Variants in CATSPERD observed in about 807,000 individuals in gnomAD.
The protein encoded by CATSPERD is cation channel sperm-associated auxiliary subunit delta.
A neutral mutation model predicts 98.1 loss-of-function variants in CATSPERD; 86 were observed. The observed-to-expected ratio is 0.88, with a 90% confidence interval of 0.74 to 1.05. The LOEUF (loss-of-function observed/expected upper bound fraction) is 1.05. Among genes scored for constraint, CATSPERD ranks in the 50% least tolerant of loss-of-function variants. The probability of loss-of-function intolerance (pLI) is 0.00; values close to 1 mark genes in which losing one functional copy is unlikely to be tolerated. For missense variants in CATSPERD, 995 were observed against 1,005.7 expected (o/e 0.99, Z 0.14); for synonymous variants, 394 against 390.2 (o/e 1.01, Z -0.12).
At chr19:5,735,823 C>T (rs895364325) in intron 5 of CATSPERD, among the ~76,000 whole-genome samples, 3 of 130,014 alleles carry the variant, frequency 2.3e-5, no homozygotes, top group African/African-American at 8.9e-5. Flanking sequence ...GTCACCCAGG[C>T]TGGATGGCGT....
rs778530961 is a variant in CATSPERD, at chr19:5,768,262, C to T, written c.1634+20C>T. On this transcript the variant is annotated intron_variant, in intron 18 of 21. Coordinates refer to ENST00000381624, the MANE Select transcript of CATSPERD (RefSeq NM_152784.4). ...CGAGAAGTAAGCCAGCGTCCCCCCG[C>T]AACACCTGACACCCAAGGCGACCAT... The T allele has an allele frequency of 9.3e-6, 15 of 1,607,010 alleles. No homozygotes were observed. Among genetic ancestry groups the T allele is most frequent in the Admixed American group, 8.3e-5 (5 of 59,908 alleles).
chr19:5,755,587 T>C (rs1030002580), intron 13 of CATSPERD, among the ~76,000 whole-genome samples: 4 of 151,706 alleles, frequency 2.6e-5, no homozygotes, highest in Admixed American at 6.6e-5. Context: ...CTGGGCAACA[T>C]AGTGAGACTC....
chr19:5,731,103 A>G (rs1342040830), intron 4 of CATSPERD, among the ~76,000 whole-genome samples: 4 of 151,946 alleles, frequency 2.6e-5, no homozygotes, highest in African/African-American at 7.3e-5. Flanking sequence ...AAAAAAAAAA[A>G]AAAAAGAGCC....
chr19:5,733,827 A>G (rs2055785157), intron 4 of CATSPERD, 29 bp from the exon 5 acceptor site: 2 of 1,420,782 alleles, frequency 1.4e-6, no homozygotes, highest in Non-Finnish European at 2.0e-6. Flanking sequence ...AGATGCTCTC[A>G]TTGATATCAT....
At chr19:5,725,383 TTAAG>T (rs1199373748) in intron 2 of CATSPERD, among the ~76,000 whole-genome samples, 2 of 152,108 alleles carry the variant, frequency 1.3e-5, no homozygotes, top group Non-Finnish European at 2.9e-5. Context: ...GCTCCTGGAC[TTAAG>T]TAACCTACCT....
Position 5,752,007 on chromosome 19 carries a change from T to A in CATSPERD, c.1164+184T>A, listed in dbSNP as rs565632546. Among the ~76,000 whole-genome samples the A allele has an allele frequency of 8.5e-4, 127 of 149,910 alleles. 1 individual carries two copies. In the South Asian group the frequency reaches 0.014, roughly 17 times the overall value. ...CACCCATTTCTAAAACAAAAAAAAA[T>A]TTTTTTTTAAAGCTGGGCGTTGGCC... On this transcript the variant is annotated intron_variant, in intron 12 of 21. Transcript: ENST00000381624.
At chr19:5,737,546 CAAAAAA>C (rs35730088) in intron 6 of CATSPERD, among the ~76,000 whole-genome samples, 2 of 69,422 alleles carry the variant, frequency 2.9e-5, no homozygotes, top group Non-Finnish European at 2.7e-5. Context: ...AAGACTCTGT[CAAAAAA>C]AAAAAAAAAA....
intron 20 of CATSPERD, among the ~76,000 whole-genome samples, chr19:5,774,256 G>A (rs1457605392): frequency 5.9e-5 from 9 of 151,994 alleles, no homozygotes; most frequent in Non-Finnish European, 1.2e-4. Flanking sequence ...GTGAGCCACT[G>A]CGCCCGGTCG....
chr19:5,749,729 T>C (rs2056167782), intron 11 of CATSPERD, among the ~76,000 whole-genome samples: 1 of 152,072 alleles, frequency 6.6e-6, no homozygotes, highest in South Asian at 2.1e-4. Context: ...CTAAGTCGTC[T>C]GTCCAGGCTC....
rs71172765 is a variant in CATSPERD, at chr19:5,762,041, C to CATATATATATATATATATATAT, written c.1428-1156_1428-1155insATATATATATATATATATATAT. 9.9e-4 allele frequency among the ~76,000 whole-genome samples: 23 copies of CATATATATATATATATATATAT among 23,236 alleles called. 5 individuals are homozygous for CATATATATATATATATATATAT. The highest frequency in any genetic ancestry group is 1.8e-3 in the Admixed American group (3 of 1,694). The allele number at this position is 23,236 out of a possible 152,430, so 15.2% of individuals were successfully genotyped here. A position where few individuals can be genotyped will look rare whatever the true frequency, so the allele number is the denominator to read the frequency against. On this transcript the variant is annotated intron_variant, in intron 15 of 21. Coordinates refer to ENST00000381624, the MANE Select transcript of CATSPERD (RefSeq NM_152784.4). Reference sequence around the variant, plus strand: ...GTGAGAGCCACTGCGCCTGGCCTGCCATATATATATATATATATTTTTTTT... The same window carrying CATATATATATATATATATATAT: ...GTGAGAGCCACTGCGCCTGGCCTGCCATATATATATATATATATATATATATATATATATATATATTTTTTTT...
chr19:5,753,541 G>A (rs770449459), intron 12 of CATSPERD: 16 of 333,834 alleles, frequency 4.8e-5, no homozygotes, highest in East Asian at 9.9e-5. Context: ...CAACCTGGGC[G>A]ACAGAGCCAG....
chr19:5,724,039 C>T (rs566652728), intron 1 of CATSPERD, among the ~76,000 whole-genome samples: 40 of 152,116 alleles, frequency 2.6e-4, no homozygotes, highest in African/African-American at 6.5e-4. Flanking sequence ...GTGATCCACC[C>T]GCTTTGGCCT....
intron 2 of CATSPERD, among the ~76,000 whole-genome samples, chr19:5,726,484 C>T (rs1410822055): frequency 6.6e-6 from 1 of 152,046 alleles, no homozygotes; most frequent in Non-Finnish European, 1.5e-5. Context: ...TGGGCTCAAG[C>T]CATCCTTCTG....
chr19:5,720,760 C>T lies in CATSPERD; in HGVS notation c.23C>T (p.Ala8Val). 1.2e-6 allele frequency: 2 copies of T among 1,605,274 alleles called. No individual in the cohort carries two copies. Among genetic ancestry groups the T allele is most frequent in the Non-Finnish European group, 8.5e-7 (1 of 1,179,658 alleles). Residue 8 changes from alanine to valine, a missense_variant, in exon 1 of 22, where the codon GCG becomes GTG. Transcript: ENST00000381624. MLMLMLV[A>V]AVTMWLRPLV... ...TCGATGCTGATGTTGATGCTGGTGG[C>T]GGCTGTGACCATGTGGCTCCGACCG...
In CATSPERD at chr19:5,757,931, T is replaced by G. The variant is rs762510729; in HGVS notation, c.1367T>G (p.Leu456Arg). 1.2e-6 allele frequency: 2 copies of G among 1,611,150 alleles called. No individual in the cohort carries two copies. Among genetic ancestry groups the G allele is most frequent in the Non-Finnish European group, 8.5e-7 (1 of 1,178,972 alleles). The change falls in exon 14 of 22, where the codon CTG becomes CGG. Residue 456 changes from leucine (L) to arginine (R), a missense_variant and splice_region_variant. This residue lies in a region of CATSPERD where 762 missense variants were observed against 773.7 expected (regional missense o/e 0.98). Coordinates refer to ENST00000381624, the MANE Select transcript of CATSPERD (RefSeq NM_152784.4). ...TCAGATGGGAACACCAAGTACAAAC[T>G]GGTGAGCCGCGTCCCCACCAAACCC... ...YTSDGNTKYKLDIFLKQQQHW... is the reference protein window; with the variant it reads ...YTSDGNTKYKRDIFLKQQQHW...
At chr19:5,759,668 C>T (rs1217192915) in intron 15 of CATSPERD, among the ~76,000 whole-genome samples, 2 of 151,712 alleles carry the variant, frequency 1.3e-5, no homozygotes, top group East Asian at 1.9e-4. Context: ...CTCACAGCAG[C>T]GTGATTCACA....
At position 5,720,673 on chromosome 19, in the gene CATSPERD, C is replaced by T; in HGVS notation, c.-65C>T. The T allele has an allele frequency of 6.6e-7, 1 of 1,514,556 alleles. No individual in the cohort carries two copies. The allele number at this position is 1,514,556 out of a possible 1,614,324, so 93.8% of individuals were successfully genotyped here. On this transcript the variant is annotated 5_prime_UTR_variant, in exon 1 of 22. Transcript: ENST00000381624. ...TGCGCAGGGCTTCAGCCTGCACGTA[C>T]TCGGATTGTGCAGCGACTCCCCGTG... is the stretch of plus-strand genomic sequence containing the variant.
At chr19:5,765,881 G>A (rs2056528992) in intron 16 of CATSPERD, among the ~76,000 whole-genome samples, 1 of 152,022 alleles carries the variant, frequency 6.6e-6, no homozygotes, top group Admixed American at 6.6e-5. Flanking sequence ...TAGCTCCTCA[G>A]GCGACACCAG....
At chr19:5,747,727 T>C (rs1484438562) in intron 9 of CATSPERD, among the ~76,000 whole-genome samples, 3 of 148,616 alleles carry the variant, frequency 2.0e-5, no homozygotes, top group Non-Finnish European at 3.0e-5. Context: ...TTCTCCTGCC[T>C]CAGTCTCCCA....
Sources: gnomAD v4.1 joint callset for allele counts (sites outside exome capture counted in the v4.1 genomes callset) on GRCh38, gnomAD v4.1.1 for gene constraint, gnomAD v4.1.1 regional missense constraint, MANE v1.5 for transcripts, NCBI Gene and HGNC (gene_info 2026-07-23, HGNC 2026-07-21) for gene names.